SYNE2: variants seen among roughly 807,000 people sequenced by gnomAD.
SYNE2 encodes spectrin repeat containing nuclear envelope protein 2.
A neutral mutation model predicts 856.3 loss-of-function variants in SYNE2; 431 were observed. That is an observed-to-expected ratio of 0.50 (90% CI 0.47 to 0.55). The LOEUF is 0.55. Among genes scored for constraint, SYNE2 ranks in the 20% least tolerant of loss-of-function variants. The pLI is 0.00. For missense variants in SYNE2, 8,129 were observed against 8,023.2 expected (o/e 1.01, Z -0.50); for synonymous variants, 2,923 against 2,872.3 (o/e 1.02, Z -0.56).
intron 48 of SYNE2, 109 bp from the exon 49 acceptor site, chr14:64,055,835 T>TAAAATA (rs2097264339): frequency 5.3e-6 from 4 of 760,740 alleles, no homozygotes; most frequent in South Asian, 3.8e-5. Context: ...ATAATAATAA[T>TAAAATA]AAAAAAAGAC....
At chr14:64,134,241 G>A in intron 78 of SYNE2, 41 bp downstream of exon 78, 1 of 1,608,550 alleles carries the variant, frequency 6.2e-7, no homozygotes, top group Non-Finnish European at 8.5e-7. Flanking sequence ...CGTGTCCATA[G>A]CACTTTGTGT....
At chr14:64,188,808 CAGT>C in intron 98 of SYNE2, 100 bp downstream of exon 98, 1 of 1,295,762 alleles carries the variant, frequency 7.7e-7, no homozygotes, top group Non-Finnish European at 1.1e-6. Context: ...CGGGTGTTTC[CAGT>C]AGCATTTTAG....
At chr14:63,902,206 T>C (rs1171297740) in intron 1 of SYNE2, among the ~76,000 whole-genome samples, 1 of 150,086 alleles carries the variant, frequency 6.7e-6, no homozygotes, top group Non-Finnish European at 1.5e-5. Context: ...AGGTCAGGAG[T>C]TCAAGACCAG....
chr14:64,207,852 A>G, intron 100 of SYNE2: 1 of 364,544 alleles, frequency 2.7e-6, no homozygotes, highest in Non-Finnish European at 5.4e-6. Context: ...GGATATTAAA[A>G]TTAATGCTGT....
chr14:64,026,006 G>A (rs1453762634), intron 41 of SYNE2, among the ~76,000 whole-genome samples: 3 of 152,160 alleles, frequency 2.0e-5, no homozygotes, highest in Admixed American at 6.5e-5. Flanking sequence ...AGGAACTGTA[G>A]GAGAACTGAA....
At chr14:63,850,819 T>C (rs967491465), upstream of SYNE2, among the ~76,000 whole-genome samples, 2 of 152,168 alleles carry the variant, frequency 1.3e-5, no homozygotes, top group African/African-American at 4.8e-5. Flanking sequence ...GCTTGTAACA[T>C]AGATGCCTGG....
At chr14:63,903,811 C>T (rs1595543117) in intron 1 of SYNE2, among the ~76,000 whole-genome samples, 2 of 145,914 alleles carry the variant, frequency 1.4e-5, no homozygotes, top group Non-Finnish European at 3.0e-5. Flanking sequence ...AATGGCCATT[C>T]TTTTTTTTTT....
chr14:63,869,476 G>A (rs1349883126), intron 1 of SYNE2, among the ~76,000 whole-genome samples: 4 of 151,658 alleles, frequency 2.6e-5, no homozygotes, highest in African/African-American at 9.7e-5. Flanking sequence ...ACAAAAATTA[G>A]CCGGGCGTGG....
intron 1 of SYNE2, among the ~76,000 whole-genome samples, chr14:63,857,855 G>A (rs909282469): frequency 1.3e-5 from 2 of 152,110 alleles, no homozygotes; most frequent in African/African-American, 2.4e-5. Context: ...CTGGATGCAA[G>A]TCATTTGTCA....
intron 1 of SYNE2, among the ~76,000 whole-genome samples, chr14:63,775,861 TA>T (rs936792231): frequency 1.3e-5 from 2 of 152,158 alleles, no homozygotes; most frequent in East Asian, 1.9e-4. Flanking sequence ...GTTAATGGGC[TA>T]AAAAAACTAG....
intron 61 of SYNE2, among the ~76,000 whole-genome samples, chr14:64,097,068 C>G (rs941391441): frequency 4.6e-5 from 7 of 152,212 alleles, no homozygotes; most frequent in Non-Finnish European, 8.8e-5. Flanking sequence ...TTGTCACCTG[C>G]TGTTTCTTCC....
intron 1 of SYNE2, among the ~76,000 whole-genome samples, chr14:63,776,801 A>G (rs780918908): frequency 6.6e-6 from 1 of 151,950 alleles, no homozygotes; most frequent in Non-Finnish European, 1.5e-5. Context: ...GGGTTTCACC[A>G]TCTCGGCCAG....
intron 2 of SYNE2, among the ~76,000 whole-genome samples, chr14:63,927,366 A>C (rs2153389928): frequency 6.6e-6 from 1 of 151,940 alleles, no homozygotes; most frequent in Admixed American, 6.5e-5. Context: ...TGGGCAACAA[A>C]GTGAGACCCC....
chr14:64,053,872 G>A (rs139367142), intron 48 of SYNE2, among the ~76,000 whole-genome samples: 2,294 of 152,274 alleles, frequency 0.015, 23 homozygotes, highest in Non-Finnish European at 0.024. Flanking sequence ...AGGAGGCTGA[G>A]GTACAAGAAT....
chr14:64,010,455 AAG>A (rs1327911140), intron 32 of SYNE2, among the ~76,000 whole-genome samples: 46 of 152,186 alleles, frequency 3.0e-4, no homozygotes, highest in African/African-American at 1.0e-3. Flanking sequence ...TGACAGAAGG[AAG>A]ACGGTGGGAA....
intron 70 of SYNE2, chr14:64,122,654 C>A (rs763148575): frequency 1.6e-6 from 1 of 630,776 alleles, no homozygotes; most frequent in South Asian, 1.9e-5. Context: ...AACAACTATC[C>A]GCCTGTTTGT....
rs745843525 is a variant in SYNE2 at position 63,996,964 on chromosome 14, A to G, written c.2958A>G (p.Glu986=). ...IKEHEACFSE[E]GCLYQLNHHM... ...TCAATTAGGCCTGCTTTTCTGAGGA[A>G]GGCTGCCTGTACCAGCTTAATCACC... Residue 986 remains glutamate (E), a synonymous_variant, in exon 24 of 116, where the codon GAA becomes GAG. Coordinates refer to ENST00000555002, the MANE Select transcript of SYNE2 (RefSeq NM_182914.3). 3 of 1,614,142 alleles carry G rather than the reference A, an allele frequency of 1.9e-6. No homozygotes were observed. The highest frequency in any genetic ancestry group is 1.7e-6 in the Non-Finnish European group (2 of 1,180,016).
chr14:64,130,156 C>T lies in SYNE2; in HGVS notation c.14248C>T (p.Leu4750=). The T allele has an allele frequency of 6.2e-7, 1 of 1,614,112 alleles. No homozygotes were observed. The highest frequency in any genetic ancestry group is 8.5e-7 in the Non-Finnish European group (1 of 1,180,002). The change falls in exon 76 of 116, where the codon CTG becomes TTG. Residue 4750 remains leucine (L), a synonymous_variant. Coordinates refer to ENST00000555002, the MANE Select transcript of SYNE2 (RefSeq NM_182914.3). ...TGCTTTGTTGCAAGGCATGGTGGAA[C>T]TGGTGAAGATTGGGAAGGAAAAGCT... The part of the protein sequence containing the change: ...QDALLQGMVE[L]VKIGKEKLAH...
chr14:64,101,783 A>AT (rs2097731908), intron 63 of SYNE2, 149 bp from the exon 64 acceptor site: 1 of 662,468 alleles, frequency 1.5e-6, no homozygotes, highest in Non-Finnish European at 2.7e-6. Flanking sequence ...AAAAATACAG[A>AT]TAAAAAAATG....
Sources: gnomAD v4.1 joint callset for allele counts (sites outside exome capture counted in the v4.1 genomes callset) on GRCh38, gnomAD v4.1.1 for gene constraint, MANE v1.5 for transcripts, NCBI Gene and HGNC (gene_info 2026-07-23, HGNC 2026-07-21) for gene names.